MSRA: variants seen among roughly 807,000 people sequenced by gnomAD.
MSRA encodes the protein methionine sulfoxide reductase A, also known as mitochondrial peptide methionine sulfoxide reductase.
In MSRA, 54 loss-of-function variants were observed where a neutral mutation model predicts 31.3. That is an observed-to-expected ratio of 1.73 (90% CI 1.39 to 2.17). The LOEUF (loss-of-function observed/expected upper bound fraction) is 2.17. Among genes scored for constraint, MSRA ranks in the 30% most tolerant of loss-of-function variants. The pLI is 0.00. For missense variants in MSRA, 507 were observed against 300.9 expected (o/e 1.69, Z -5.07); for synonymous variants, 169 against 116.5 (o/e 1.45, Z -2.90).
At chr8:10,304,810 A>T (rs960779098) in intron 4 of MSRA, among the ~76,000 whole-genome samples, 2 of 152,228 alleles carry the variant, frequency 1.3e-5, no homozygotes, top group Non-Finnish European at 2.9e-5. Flanking sequence ...CTTACTCAGA[A>T]AATGGACATT....
intron 1 of MSRA, among the ~76,000 whole-genome samples, chr8:10,114,724 G>A (rs886486646): frequency 1.3e-5 from 2 of 152,158 alleles, no homozygotes; most frequent in African/African-American, 4.8e-5. Context: ...CAGGACCAAG[G>A]AAAGCAAACC....
chr8:10,419,082 G>A (rs1022525678), intron 5 of MSRA, among the ~76,000 whole-genome samples: 1 of 152,080 alleles, frequency 6.6e-6, no homozygotes, highest in East Asian at 1.9e-4. Flanking sequence ...TCCCTCCCAC[G>A]CATGTGCCCA....
chr8:10,168,751 C>A (rs1167376014), intron 1 of MSRA, among the ~76,000 whole-genome samples: 1 of 152,148 alleles, frequency 6.6e-6, no homozygotes, highest in Non-Finnish European at 1.5e-5. Flanking sequence ...CACAGCCCAG[C>A]CTCCCATCCT....
At chr8:10,163,378 A>G (rs1804835846) in intron 1 of MSRA, among the ~76,000 whole-genome samples, 1 of 152,152 alleles carries the variant, frequency 6.6e-6, no homozygotes, top group African/African-American at 2.4e-5. Context: ...CACCCACCTT[A>G]TGGGCTGCTA....
At chr8:10,419,514 G>A (rs1478978249) in intron 5 of MSRA, among the ~76,000 whole-genome samples, 1 of 152,184 alleles carries the variant, frequency 6.6e-6, no homozygotes, top group Non-Finnish European at 1.5e-5. Context: ...AGGATGAGTA[G>A]CCTGATGACG....
intron 1 of MSRA, among the ~76,000 whole-genome samples, chr8:10,189,128 T>G (rs11249973): frequency 0.45 from 67,761 of 151,990 alleles, 15,110 homozygotes; most frequent in South Asian, 0.59. Flanking sequence ...GTTGTTATTA[T>G]GTAAAGTACT....
At chr8:10,395,123 A>G (rs1379677906) in intron 5 of MSRA, among the ~76,000 whole-genome samples, 1 of 152,224 alleles carries the variant, frequency 6.6e-6, no homozygotes, top group Admixed American at 6.5e-5. Context: ...GTTTAGGAAC[A>G]CGCAGGAGGA....
At chr8:10,146,994 C>T (rs372549276) in intron 1 of MSRA, among the ~76,000 whole-genome samples, 10 of 152,264 alleles carry the variant, frequency 6.6e-5, no homozygotes, top group East Asian at 1.9e-4. Context: ...GAAGCTGGGA[C>T]GCCAGCTGGG....
At chr8:10,130,207 C>G (rs1408957650) in intron 1 of MSRA, among the ~76,000 whole-genome samples, 4 of 152,204 alleles carry the variant, frequency 2.6e-5, no homozygotes, top group African/African-American at 9.6e-5. Context: ...GTAGTACTTC[C>G]ATTGAGAAAC....
At chr8:10,115,152 A>C (rs147268709) in intron 1 of MSRA, among the ~76,000 whole-genome samples, 1 of 152,254 alleles carries the variant, frequency 6.6e-6, no homozygotes, top group African/African-American at 2.4e-5. Flanking sequence ...GCTTTGGGCA[A>C]CTGGCTTACT....
chr8:10,419,219 G>A (rs1300861063), intron 5 of MSRA, among the ~76,000 whole-genome samples: 1 of 152,128 alleles, frequency 6.6e-6, no homozygotes, highest in Non-Finnish European at 1.5e-5. Flanking sequence ...CGTGTCGCAG[G>A]ACAGAACACT....
chr8:10,405,910 C>G (rs563364220), intron 5 of MSRA, among the ~76,000 whole-genome samples: 3 of 151,626 alleles, frequency 2.0e-5, no homozygotes, highest in African/African-American at 7.3e-5. Context: ...GCTGTACTCA[C>G]AGTGCACACA....
At chr8:10,183,585 G>C (rs1806738540) in intron 1 of MSRA, among the ~76,000 whole-genome samples, 1 of 152,194 alleles carries the variant, frequency 6.6e-6, no homozygotes, top group South Asian at 2.1e-4. Flanking sequence ...AGATTGTGGA[G>C]AATAGCAACA....
At chr8:10,168,840 A>C (rs1805362781) in intron 1 of MSRA, among the ~76,000 whole-genome samples, 1 of 152,246 alleles carries the variant, frequency 6.6e-6, no homozygotes, top group South Asian at 2.1e-4. Context: ...TTGGAAGTCT[A>C]GGACATCTTG....
intron 1 of MSRA, among the ~76,000 whole-genome samples, chr8:10,170,042 ATTTTTTT>A (rs59946635): frequency 1.5e-4 from 14 of 90,386 alleles, no homozygotes; most frequent in African/African-American, 2.5e-4. Context: ...CCTGGCTAAT[ATTTTTTT>A]TTTTTTTTTT....
intron 1 of MSRA, among the ~76,000 whole-genome samples, chr8:10,207,323 G>C (rs760316216): frequency 2.6e-4 from 40 of 152,188 alleles, no homozygotes; most frequent in Non-Finnish European, 5.7e-4. Flanking sequence ...TGGGTGAACA[G>C]TGCTTGTACT....
intron 5 of MSRA, among the ~76,000 whole-genome samples, chr8:10,374,560 CA>C (rs2129171602): frequency 6.6e-6 from 1 of 152,294 alleles, no homozygotes; most frequent in South Asian, 2.1e-4. Context: ...TAGTACATGA[CA>C]AGTGAAATTA....
At chr8:10,087,778 T>A (rs1798644742) in intron 1 of MSRA, among the ~76,000 whole-genome samples, 1 of 152,250 alleles carries the variant, frequency 6.6e-6, no homozygotes, top group Non-Finnish European at 1.5e-5. Flanking sequence ...TTTCTAAGAT[T>A]GGCTTAAAGT....
At chr8:10,097,162 T>G (rs1799214627) in intron 1 of MSRA, among the ~76,000 whole-genome samples, 1 of 152,244 alleles carries the variant, frequency 6.6e-6, no homozygotes, top group South Asian at 2.1e-4. Flanking sequence ...AAATGGCATT[T>G]AATATATAAA....
Sources: gnomAD v4.1 joint callset for allele counts (sites outside exome capture counted in the v4.1 genomes callset) on GRCh38, gnomAD v4.1.1 for gene constraint, MANE v1.5 for transcripts, NCBI Gene and HGNC (gene_info 2026-07-23, HGNC 2026-07-21) for gene names.